EXOC4: variants seen among roughly 807,000 people sequenced by gnomAD.
EXOC4 encodes SEC8-like 1.
Under a neutral mutation model 107.2 loss-of-function variants are expected in EXOC4, and 71 were observed. That is an observed-to-expected ratio of 0.66 (90% CI 0.55 to 0.81). EXOC4 has a LOEUF of 0.81. Among genes scored for constraint, EXOC4 ranks in the 30% least tolerant of loss-of-function variants. EXOC4 has a pLI of 0.00. For missense variants in EXOC4, 1,108 were observed against 1,189.6 expected (o/e 0.93, Z 1.01); for synonymous variants, 456 against 441.2 (o/e 1.03, Z -0.42).
chr7:133,646,572 C>T (rs1206853559), intron 10 of EXOC4, among the ~76,000 whole-genome samples: 1 of 152,158 alleles, frequency 6.6e-6, no homozygotes, highest in Non-Finnish European at 1.5e-5. Context: ...AAACCCACTT[C>T]TGGGAATTAT....
chr7:133,511,795 TCTTA>T (rs1799773996), intron 9 of EXOC4, among the ~76,000 whole-genome samples: 1 of 152,006 alleles, frequency 6.6e-6, no homozygotes, highest in Non-Finnish European at 1.5e-5. Flanking sequence ...AGTGCAGCAT[TCTTA>T]CTTTTTGGGG....
chr7:133,255,658 ATTTC>A (rs1315602841), intron 1 of EXOC4, among the ~76,000 whole-genome samples: 3 of 152,304 alleles, frequency 2.0e-5, no homozygotes, highest in African/African-American at 7.2e-5. Flanking sequence ...GTATTTCAAC[ATTTC>A]TTTGAGTCAC....
intron 17 of EXOC4, among the ~76,000 whole-genome samples, chr7:134,011,729 G>A (rs1387077326): frequency 6.7e-6 from 1 of 149,182 alleles, no homozygotes; most frequent in Non-Finnish European, 1.5e-5. Context: ...AAGATGCAAA[G>A]TAATAAATAA....
chr7:133,267,527 T>G (rs1202400218), intron 1 of EXOC4, among the ~76,000 whole-genome samples: 1 of 152,140 alleles, frequency 6.6e-6, no homozygotes, highest in Non-Finnish European at 1.5e-5. Flanking sequence ...CTCCCTGGCC[T>G]CCTTATGTGA....
intron 10 of EXOC4, among the ~76,000 whole-genome samples, chr7:133,774,327 T>A (rs1294507696): frequency 6.6e-6 from 1 of 152,090 alleles, no homozygotes; most frequent in Non-Finnish European, 1.5e-5. Context: ...CTGTGGACTC[T>A]TAGTGTTTGT....
At chr7:133,968,841 T>C (rs1374977298) in intron 14 of EXOC4, among the ~76,000 whole-genome samples, 1 of 152,092 alleles carries the variant, frequency 6.6e-6, no homozygotes, top group Non-Finnish European at 1.5e-5. Flanking sequence ...TCTCGAGGAG[T>C]ATCTTTGTGG....
chr7:133,919,848 T>C (rs993444898), intron 13 of EXOC4, among the ~76,000 whole-genome samples: 2 of 152,212 alleles, frequency 1.3e-5, no homozygotes, highest in Non-Finnish European at 2.9e-5. Flanking sequence ...CTGTAAATAA[T>C]TTGTGTGCTG....
chr7:134,079,581 G>A, the EXOC4 span, among the ~76,000 whole-genome samples: 1 of 152,140 alleles, frequency 6.6e-6, no homozygotes. Flanking sequence ...AGCCACCTCT[G>A]GAGAGTGTGT....
intron 14 of EXOC4, among the ~76,000 whole-genome samples, chr7:133,992,997 G>A (rs1433027162): frequency 1.3e-5 from 2 of 151,838 alleles, no homozygotes; most frequent in African/African-American, 2.4e-5. Context: ...TCTGGCATCT[G>A]TTGAAATGAT....
the EXOC4 span, among the ~76,000 whole-genome samples, chr7:134,074,421 T>C: frequency 6.6e-6 from 1 of 151,808 alleles, no homozygotes; most frequent in Non-Finnish European, 1.5e-5. Context: ...CAGGTAACCC[T>C]ATAGGGTGGC....
At chr7:133,569,400 G>C (rs1263555757) in intron 9 of EXOC4, among the ~76,000 whole-genome samples, 1 of 152,132 alleles carries the variant, frequency 6.6e-6, no homozygotes, top group East Asian at 1.9e-4. Flanking sequence ...CTTCAGTTTT[G>C]AAAGTAAGAT....
chr7:133,994,970 A>C (rs987725550), intron 14 of EXOC4, among the ~76,000 whole-genome samples: 4 of 152,210 alleles, frequency 2.6e-5, no homozygotes, highest in Non-Finnish European at 4.4e-5. Flanking sequence ...TGTAAGTTTC[A>C]GTAAGCCCTG....
At chr7:133,568,013 A>G (rs193226755) in intron 9 of EXOC4, among the ~76,000 whole-genome samples, 3 of 152,326 alleles carry the variant, frequency 2.0e-5, no homozygotes, top group Admixed American at 2.0e-4. Context: ...TTACCAAGTA[A>G]TGTTCTTCAT....
chr7:133,809,720 G>A (rs1413218855), intron 10 of EXOC4, among the ~76,000 whole-genome samples: 2 of 152,182 alleles, frequency 1.3e-5, no homozygotes, highest in African/African-American at 2.4e-5. Flanking sequence ...CAAATTATAT[G>A]TAATGATATA....
At chr7:133,552,836 G>A (rs1420473058) in intron 9 of EXOC4, among the ~76,000 whole-genome samples, 1 of 152,054 alleles carries the variant, frequency 6.6e-6, no homozygotes, top group Non-Finnish European at 1.5e-5. Flanking sequence ...TGCCATTAAG[G>A]TGTATTTTAC....
intron 6 of EXOC4, among the ~76,000 whole-genome samples, chr7:133,361,071 G>A (rs1796125115): frequency 6.6e-6 from 1 of 152,084 alleles, no homozygotes; most frequent in Admixed American, 6.6e-5. Context: ...AATATTTGTT[G>A]ATTGCAAGAA....
intron 6 of EXOC4, among the ~76,000 whole-genome samples, chr7:133,368,282 A>G (rs1252418772): frequency 6.6e-6 from 1 of 152,236 alleles, no homozygotes. Flanking sequence ...TCTGTGGATT[A>G]GGCCTCTTTT....
At chr7:133,878,852 T>A (rs1396082262) in intron 11 of EXOC4, among the ~76,000 whole-genome samples, 3 of 152,114 alleles carry the variant, frequency 2.0e-5, no homozygotes, top group African/African-American at 7.2e-5. Flanking sequence ...GTCTCCTGAG[T>A]AGCTGGGGAC....
At chr7:133,388,655 T>C (rs1178264819) in intron 7 of EXOC4, among the ~76,000 whole-genome samples, 1 of 152,130 alleles carries the variant, frequency 6.6e-6, no homozygotes, top group Non-Finnish European at 1.5e-5. Flanking sequence ...GTCTCAAAAA[T>C]AAAATAATAC....
Sources: gnomAD v4.1 joint callset for allele counts (sites outside exome capture counted in the v4.1 genomes callset) on GRCh38, gnomAD v4.1.1 for gene constraint, MANE v1.5 for transcripts, NCBI Gene and HGNC (gene_info 2026-07-23, HGNC 2026-07-21) for gene names.